ST3GAL3: variants seen among roughly 807,000 people sequenced by gnomAD.
ST3GAL3 encodes the protein ST3 beta-galactoside alpha-2,3-sialyltransferase 3.
Under a neutral mutation model 50.1 loss-of-function variants are expected in ST3GAL3, and 21 were observed. The observed-to-expected ratio is 0.42, with a 90% CI of 0.30 to 0.60. ST3GAL3 has a LOEUF of 0.60. Ranked by LOEUF, ST3GAL3 falls within the 20% of genes least tolerant of loss-of-function variation. ST3GAL3 has a pLI of 0.19. For synonymous variants in ST3GAL3, 183 were observed against 190.0 expected, an observed-to-expected ratio of 0.96 and a Z score of 0.30; for missense variants, 353 against 489.4, an observed-to-expected ratio of 0.72 and a Z score of 2.63.
intron 11 of ST3GAL3, among the ~76,000 whole-genome samples, chr1:43,929,763 A>C (rs2084728609): frequency 6.6e-6 from 1 of 152,158 alleles, no homozygotes; most frequent in African/African-American, 2.4e-5. Context: ...TCAGTGACTC[A>C]CACTGCCTGC....
intron 3 of ST3GAL3, among the ~76,000 whole-genome samples, chr1:43,795,137 G>A (rs1004620609): frequency 6.6e-6 from 1 of 152,170 alleles, no homozygotes; most frequent in Non-Finnish European, 1.5e-5. Flanking sequence ...TCAATGTACA[G>A]CTAATAATGT....
At chr1:43,744,655 A>AAATAAATAAATAAATAAAT (rs758984209) in intron 2 of ST3GAL3, among the ~76,000 whole-genome samples, 4,072 of 140,922 alleles carry the variant, frequency 0.029, 116 homozygotes, top group Middle Eastern at 0.055. Context: ...TCCCTCTCAA[A>AAATAAATAAATAAATAAAT]AAATAAATAA....
At chr1:43,836,751 G>A (rs1176548348) in intron 4 of ST3GAL3, among the ~76,000 whole-genome samples, 5 of 152,218 alleles carry the variant, frequency 3.3e-5, no homozygotes, top group Non-Finnish European at 4.4e-5. Context: ...CGGCAGTCAC[G>A]GAGCCCATTC....
intron 9 of ST3GAL3, among the ~76,000 whole-genome samples, chr1:43,908,465 A>G (rs568615511): frequency 6.6e-6 from 1 of 152,260 alleles, no homozygotes; most frequent in African/African-American, 2.4e-5. Flanking sequence ...GAGCTTCTGA[A>G]TGAGAAACTC....
chr1:43,896,952 T>A (rs2077470451), intron 6 of ST3GAL3: 1 of 152,222 alleles, frequency 6.6e-6, no homozygotes, highest in South Asian at 2.1e-4. Flanking sequence ...CATGTATTTG[T>A]GTATATGTGT....
intron 5 of ST3GAL3, among the ~76,000 whole-genome samples, chr1:43,848,196 G>C (rs1290830826): frequency 6.8e-6 from 1 of 148,142 alleles, no homozygotes; most frequent in African/African-American, 2.5e-5. Flanking sequence ...ATATTCCTTT[G>C]TATGTAGTAT....
chr1:43,729,464 A>G (rs1674640442), intron 1 of ST3GAL3, among the ~76,000 whole-genome samples: 1 of 152,066 alleles, frequency 6.6e-6, no homozygotes, highest in Non-Finnish European at 1.5e-5. Flanking sequence ...CCCTTTCCAT[A>G]TTTGTAACTT....
chr1:43,815,131 C>T, intron 4 of ST3GAL3, 198 bp downstream of exon 4: 1 of 642,846 alleles, frequency 1.6e-6, no homozygotes. Context: ...TGGGTGCAAA[C>T]ATAAGGCCTT....
At chr1:43,709,715 C>G (rs1200061965) in intron 1 of ST3GAL3, among the ~76,000 whole-genome samples, 1 of 151,864 alleles carries the variant, frequency 6.6e-6, no homozygotes, top group East Asian at 1.9e-4. Flanking sequence ...GGCGTGGTGG[C>G]AGGCGCCTGT....
chr1:43,813,100 T>C (rs1421619927), intron 3 of ST3GAL3, among the ~76,000 whole-genome samples: 3 of 152,208 alleles, frequency 2.0e-5, no homozygotes, highest in African/African-American at 2.4e-5. Flanking sequence ...ATTTGTGTTA[T>C]GCTCTTGCTT....
intron 4 of ST3GAL3, among the ~76,000 whole-genome samples, chr1:43,816,321 T>A (rs2061245770): frequency 6.6e-6 from 1 of 152,160 alleles, no homozygotes; most frequent in Non-Finnish European, 1.5e-5. Context: ...TACTATGAGT[T>A]CAGGCATTGT....
At chr1:43,876,872 G>A (rs1323324911) in intron 5 of ST3GAL3, among the ~76,000 whole-genome samples, 1 of 152,220 alleles carries the variant, frequency 6.6e-6, no homozygotes, top group Non-Finnish European at 1.5e-5. Flanking sequence ...AATATGCTAG[G>A]TGCTGTTCTA....
At chr1:43,851,767 G>A (rs927654147) in intron 5 of ST3GAL3, among the ~76,000 whole-genome samples, 6 of 152,110 alleles carry the variant, frequency 3.9e-5, no homozygotes, top group Admixed American at 1.3e-4. Flanking sequence ...ACACAGCCCC[G>A]CACATGTGCC....
At chr1:43,743,566 G>A in intron 2 of ST3GAL3, 1 of 396,894 alleles carries the variant, frequency 2.5e-6, no homozygotes, top group Non-Finnish European at 5.1e-6. Context: ...ACTAATGAAA[G>A]CTTATTGTGA....
chr1:43,869,702 G>A (rs111654460), intron 5 of ST3GAL3, among the ~76,000 whole-genome samples: 2 of 152,172 alleles, frequency 1.3e-5, no homozygotes, highest in African/African-American at 2.4e-5. Flanking sequence ...CAAACCAAGC[G>A]TGGCAAGGTA....
chr1:43,733,188 G>T (rs1275343847), intron 1 of ST3GAL3, among the ~76,000 whole-genome samples: 1 of 151,994 alleles, frequency 6.6e-6, no homozygotes, highest in South Asian at 2.1e-4. Context: ...AGAGATGGGG[G>T]TCTCATCTCA....
chr1:43,910,176 A>T (rs1272843408), intron 9 of ST3GAL3, among the ~76,000 whole-genome samples: 1 of 152,210 alleles, frequency 6.6e-6, no homozygotes, highest in Non-Finnish European at 1.5e-5. Flanking sequence ...GCCAAACCCA[A>T]ATATTACCTA....
intron 3 of ST3GAL3, among the ~76,000 whole-genome samples, chr1:43,813,885 A>ACACACACG (rs1391811562): frequency 2.9e-3 from 115 of 39,624 alleles, no homozygotes; most frequent in African/African-American, 5.4e-3. Context: ...ACACACACAC[A>ACACACACG]CACACACACG....
At chr1:43,892,074 G>A (rs2076764911) in intron 5 of ST3GAL3, among the ~76,000 whole-genome samples, 1 of 152,168 alleles carries the variant, frequency 6.6e-6, no homozygotes, top group Admixed American at 6.5e-5. Context: ...GTCCCAAGAC[G>A]CTGGGACTAC....
Sources: gnomAD v4.1 joint callset for allele counts (sites outside exome capture counted in the v4.1 genomes callset) on GRCh38, gnomAD v4.1.1 for gene constraint, MANE v1.5 for transcripts, NCBI Gene and HGNC (gene_info 2026-07-23, HGNC 2026-07-21) for gene names.